Variants in TNRC6B observed in about 807,000 individuals in gnomAD.
TNRC6B encodes trinucleotide repeat-containing gene 6B protein.
TNRC6B carries 52 observed loss-of-function variants against 203.6 expected under a neutral mutation model. The ratio of observed to expected loss-of-function variants is 0.26; its 90% CI spans 0.20 to 0.32. The LOEUF (loss-of-function observed/expected upper bound fraction) is 0.32, where lower values mean the gene tolerates loss of function less well. Among genes scored for constraint, TNRC6B ranks in the 10% least tolerant of loss-of-function variants. The pLI is 1.00. For synonymous variants in TNRC6B, 838 were observed against 845.7 expected, an observed-to-expected ratio of 0.99 and a Z score of 0.16; for missense variants, 1,923 against 2,286.2, an observed-to-expected ratio of 0.84 and a Z score of 3.24.
At chr22:40,308,752 T>G in intron 16 of TNRC6B, 103 bp downstream of exon 16, 1 of 1,361,106 alleles carries the variant, frequency 7.3e-7, no homozygotes, top group African/African-American at 1.5e-5. Flanking sequence ...TCATTTTCCT[T>G]GTGAATCCTA....
intron 2 of TNRC6B, among the ~76,000 whole-genome samples, chr22:40,249,748 A>C (rs2070160506): frequency 6.6e-6 from 1 of 152,346 alleles, no homozygotes; most frequent in African/African-American, 2.4e-5. Flanking sequence ...ATGTGGCTGC[A>C]TTGTCATTCA....
chr22:40,115,592 G>A lies in TNRC6B; in HGVS notation c.-120-1463G>A, dbSNP rs143319156. ...CAAATTCAAAGGTGTGTCAGACATG[G>A]TCCTTGCTATCAAGGAGCTCCTGCT... is the stretch of plus-strand genomic sequence containing the variant. On this transcript the variant is annotated intron_variant, in intron 1 of 23. Transcript: ENST00000301923. Among the ~76,000 whole-genome samples, 601 of 152,258 alleles carry A rather than the reference G, an allele frequency of 3.9e-3. 7 individuals are homozygous for A. Among genetic ancestry groups the A allele is most frequent in the Middle Eastern group, 0.017 (5 of 294 alleles).
At chr22:40,226,208 C>T (rs967747139) in intron 1 of TNRC6B, among the ~76,000 whole-genome samples, 5 of 152,128 alleles carry the variant, frequency 3.3e-5, no homozygotes, top group Non-Finnish European at 5.9e-5. Flanking sequence ...CACAAGAACA[C>T]GACTTTCCAT....
intron 10 of TNRC6B, among the ~76,000 whole-genome samples, chr22:40,280,480 C>A (rs1303067644): frequency 2.0e-5 from 3 of 152,202 alleles, no homozygotes; most frequent in African/African-American, 7.2e-5. Flanking sequence ...TGCAAATATT[C>A]CATGTCTCCT....
chr22:40,333,969 A>T lies in TNRC6B; in HGVS notation c.*10728A>T, dbSNP rs1440834691. 1.3e-5 allele frequency: 2 copies of T among 152,662 alleles called. No individual in the cohort carries two copies. The highest frequency in any genetic ancestry group is 1.9e-4 in the East Asian group (1 of 5,194). 9.5% of individuals were successfully genotyped at this position (152,662 alleles called of 1,614,324 possible). ...TTCAGTTGGATCTCACTGATCTTGT[A>T]TAGTGACGACTTCCTTTGAAGGAAG... is the stretch of plus-strand genomic sequence containing the variant. On this transcript the variant is annotated 3_prime_UTR_variant, in exon 23 of 23. Transcript: ENST00000454349.
intron 3 of TNRC6B, among the ~76,000 whole-genome samples, chr22:40,152,178 G>C (rs2068763968): frequency 6.6e-6 from 1 of 152,062 alleles, no homozygotes; most frequent in Admixed American, 6.6e-5. Context: ...TAAAAATAAG[G>C]ACTTAAATGT....
upstream of TNRC6B, chr22:40,177,897 T>G (rs1236234779): frequency 7.4e-7 from 1 of 1,347,218 alleles, no homozygotes. Flanking sequence ...CTGCCTCTAT[T>G]TGAAGGTCAC....
At position 40,334,470 on chromosome 22, in the gene TNRC6B, T is replaced by C. The variant is rs1346788639; in HGVS notation, c.*11229T>C. On this transcript the variant is annotated 3_prime_UTR_variant, in exon 23 of 23. Coordinates refer to ENST00000454349, the MANE Select transcript of TNRC6B (RefSeq NM_001162501.2). Reference sequence around the variant, plus strand: ...CTCCTAACTCTCCACTATGTGCTTATAACTTCACATTCTATGCCCTCCCCG... The same window carrying C: ...CTCCTAACTCTCCACTATGTGCTTACAACTTCACATTCTATGCCCTCCCCG... 3.3e-5 allele frequency: 5 copies of C among 152,590 alleles called. No homozygotes were observed. Among genetic ancestry groups the C allele is most frequent in the African/African-American group, 1.2e-4 (5 of 41,410 alleles). The allele number at this position is 152,590 out of a possible 1,614,324, so 9.5% of individuals were successfully genotyped here.
At chr22:40,141,587 T>A (rs895338578) in intron 3 of TNRC6B, among the ~76,000 whole-genome samples, 4 of 152,106 alleles carry the variant, frequency 2.6e-5, no homozygotes, top group Non-Finnish European at 5.9e-5. Flanking sequence ...AATCCTACTC[T>A]GTAGTCTGTA....
At chr22:40,281,614 G>C (rs2070722318) in intron 11 of TNRC6B, among the ~76,000 whole-genome samples, 2 of 151,922 alleles carry the variant, frequency 1.3e-5, no homozygotes, top group Non-Finnish European at 2.9e-5. Flanking sequence ...TAATGCATTT[G>C]CCATTTTAAA....
chr22:40,081,004 G>A (rs2068059599), intron 1 of TNRC6B, among the ~76,000 whole-genome samples: 1 of 152,032 alleles, frequency 6.6e-6, no homozygotes, highest in African/African-American at 2.4e-5. Context: ...TTACATGTGT[G>A]TGTCACCACA....
intron 4 of TNRC6B, among the ~76,000 whole-genome samples, chr22:40,264,483 A>G (rs927997644): frequency 6.6e-6 from 1 of 152,118 alleles, no homozygotes; most frequent in African/African-American, 2.4e-5. Flanking sequence ...TTTGAGAGAG[A>G]TGAAGTTAGA....
At chr22:40,205,081 T>C (rs1000291590) in intron 1 of TNRC6B, among the ~76,000 whole-genome samples, 3 of 152,226 alleles carry the variant, frequency 2.0e-5, no homozygotes, top group Admixed American at 6.5e-5. Flanking sequence ...ATCTCAGGTG[T>C]GTTCCACAGA....
At chr22:40,276,564 G>C (rs2070647649) in intron 7 of TNRC6B, among the ~76,000 whole-genome samples, 1 of 152,098 alleles carries the variant, frequency 6.6e-6, no homozygotes, top group South Asian at 2.1e-4. Flanking sequence ...ATCAGCAATG[G>C]TGTCTTCCAC....
intron 4 of TNRC6B, among the ~76,000 whole-genome samples, chr22:40,158,245 A>C (rs2068835777): frequency 6.6e-6 from 1 of 152,018 alleles, no homozygotes; most frequent in Non-Finnish European, 1.5e-5. Flanking sequence ...AGGCTGAGGC[A>C]GGAGAATTGC....
chr22:40,249,472 A>G (rs145762303), intron 2 of TNRC6B, among the ~76,000 whole-genome samples: 1 of 152,340 alleles, frequency 6.6e-6, no homozygotes, highest in Non-Finnish European at 1.5e-5. Flanking sequence ...GAGGTGTCAA[A>G]GAAGGGTTCC....
intron 1 of TNRC6B, among the ~76,000 whole-genome samples, chr22:40,094,731 A>G (rs964467598): frequency 1.6e-4 from 24 of 152,256 alleles, no homozygotes; most frequent in Non-Finnish European, 4.4e-5. Context: ...AGCTTGTGGA[A>G]AGGCCAGATG....
intron 3 of TNRC6B, among the ~76,000 whole-genome samples, chr22:40,132,291 A>G (rs1430895580): frequency 6.6e-6 from 1 of 151,662 alleles, no homozygotes; most frequent in Non-Finnish European, 1.5e-5. Context: ...AGTTGAACCC[A>G]GGAGGCAGAG....
chr22:40,119,608 A>C (rs1288807237), intron 2 of TNRC6B, among the ~76,000 whole-genome samples: 1 of 152,196 alleles, frequency 6.6e-6, no homozygotes, highest in Non-Finnish European at 1.5e-5. Context: ...GATAACATAC[A>C]TACATACATG....
Sources: allele counts gnomAD v4.1 joint callset (sites outside exome capture counted in the v4.1 genomes callset), GRCh38; gene constraint gnomAD v4.1.1; transcripts MANE v1.5; gene names NCBI Gene and HGNC (gene_info 2026-07-23, HGNC 2026-07-21).